USP8: variants seen among roughly 807,000 people sequenced by gnomAD.
USP8 encodes ubiquitin specific peptidase 8.
In USP8, 27 loss-of-function variants were observed where a neutral mutation model predicts 130.0. The observed-to-expected ratio is 0.21, with a 90% CI of 0.15 to 0.29. The LOEUF is 0.29. Ranked by LOEUF, USP8 falls within the 10% of genes least tolerant of loss-of-function variation. USP8 has a pLI of 1.00. For missense variants in USP8, 1,029 were observed against 1,312.2 expected (o/e 0.78, Z 3.33); for synonymous variants, 392 against 444.1 (o/e 0.88, Z 1.48).
At chr15:50,441,969 C>CTT (rs1011150634) in intron 3 of USP8, among the ~76,000 whole-genome samples, 2,075 of 81,216 alleles carry the variant, frequency 0.026, 1 homozygote, top group Non-Finnish European at 0.032. Flanking sequence ...CTCCCTAAAT[C>CTT]TTTTTTTTTT....
intron 6 of USP8, chr15:50,463,479 A>G (rs1254252130): frequency 6.6e-6 from 1 of 152,216 alleles, no homozygotes; most frequent in African/African-American, 2.4e-5. Flanking sequence ...CTTAAACATA[A>G]TTATAGGTAA....
At chr15:50,479,055 A>AT (rs981771963) in intron 10 of USP8, among the ~76,000 whole-genome samples, 32 of 152,208 alleles carry the variant, frequency 2.1e-4, no homozygotes, top group African/African-American at 7.0e-4. Flanking sequence ...CTGTCTCAAA[A>AT]AAAAATAAAA....
At chr15:50,472,004 G>A (rs1051969931) in intron 8 of USP8, among the ~76,000 whole-genome samples, 1 of 150,684 alleles carries the variant, frequency 6.6e-6, no homozygotes, top group Non-Finnish European at 1.5e-5. Flanking sequence ...AGGTTCAAGC[G>A]ATTCTCCTGC....
chr15:50,498,492 T>C (rs1482112350), intron 18 of USP8, 104 bp from the exon 19 acceptor site: 1 of 1,385,644 alleles, frequency 7.2e-7, no homozygotes, highest in African/African-American at 1.5e-5. Context: ...TCTTTGTATT[T>C]GAAATGGATT....
chr15:50,493,225 A>G (rs1312384607), intron 15 of USP8: 6 of 506,248 alleles, frequency 1.2e-5, no homozygotes, highest in Non-Finnish European at 3.8e-6. Context: ...TGGCCTTATC[A>G]CCTCTTTAAA....
Position 50,465,094 on chromosome 15 carries a change from A to C in USP8, c.589A>C (p.Ile197Leu). ...ELYTMMTDKN[I>L]SLIIMDARRM... is the part of the protein sequence containing the mutation. ...ATACACAATGATGACGGATAAAAAC[A>C]TCAGCTTGATTATAATGGATGCTCG... Residue 197 changes from isoleucine to leucine, a missense_variant, in exon 7 of 20, where the codon ATC (isoleucine) becomes CTC (leucine). Ile to Leu is a conservative substitution (Grantham distance 5, BLOSUM62 2). Coordinates refer to ENST00000307179, the MANE Select transcript of USP8 (RefSeq NM_005154.5). 6.2e-7 allele frequency: 1 copy of C among 1,614,164 alleles called. No homozygotes were observed.
At chr15:50,449,326 T>C (rs1158730429) in intron 3 of USP8, 74 bp from the exon 4 acceptor site, 4 of 922,622 alleles carry the variant, frequency 4.3e-6, no homozygotes, top group Non-Finnish European at 6.3e-6. Flanking sequence ...CACCATGATT[T>C]TAATGATTTT....
At chr15:50,493,138 G>T in intron 15 of USP8, 1 of 617,134 alleles carries the variant, frequency 1.6e-6, no homozygotes, top group Admixed American at 2.1e-5. Flanking sequence ...GTAGAAGGTG[G>T]AAGCGAAAGA....
chr15:50,497,793 C>G (rs2052474943), intron 18 of USP8: 1 of 152,126 alleles, frequency 6.6e-6, no homozygotes, highest in African/African-American at 2.4e-5. Context: ...CCATGTAACT[C>G]AAGAACTTTG....
intron 17 of USP8, 65 bp downstream of exon 17, chr15:50,496,149 G>T: frequency 7.6e-7 from 1 of 1,321,022 alleles, no homozygotes; most frequent in Non-Finnish European, 1.1e-6. Flanking sequence ...TGGATATAGA[G>T]ATGTAAATTT....
chr15:50,471,738 T>C lies in USP8; in HGVS notation c.792T>C (p.Ser264=), dbSNP rs1595951753. 6.8e-6 allele frequency: 11 copies of C among 1,614,140 alleles called. No homozygotes were observed. The East Asian group carries it at 2.5e-4, about 36-fold the overall frequency. The change falls in exon 8 of 20, where the codon TCT becomes TCC. Residue 264 remains serine (S), a synonymous_variant. Coordinates refer to ENST00000307179, the MANE Select transcript of USP8 (RefSeq NM_005154.5). Reference sequence around the variant, plus strand: ...TGGTACTTCTTGACTGGTTTAGTTCTGCCAAAGATTTACAGATTGGAACAA... The same window carrying C: ...TGGTACTTCTTGACTGGTTTAGTTCCGCCAAAGATTTACAGATTGGAACAA... ...EYVVLLDWFS[S]AKDLQIGTTL...
intron 3 of USP8, among the ~76,000 whole-genome samples, chr15:50,444,834 T>C (rs2050372926): frequency 6.6e-6 from 1 of 152,184 alleles, no homozygotes; most frequent in African/African-American, 2.4e-5. Flanking sequence ...CATGGTTCAC[T>C]GCAGCCTCGA....
At chr15:50,434,787 T>C (rs1169597253) in intron 1 of USP8, among the ~76,000 whole-genome samples, 1 of 151,950 alleles carries the variant, frequency 6.6e-6, no homozygotes, top group East Asian at 1.9e-4. Flanking sequence ...GCCTGGCTAA[T>C]TTTTGTATTT....
At chr15:50,498,419 G>T (rs2052496424) in intron 18 of USP8, 177 bp from the exon 19 acceptor site, 1 of 783,090 alleles carries the variant, frequency 1.3e-6, no homozygotes, top group Non-Finnish European at 1.9e-6. Flanking sequence ...CAGTTTTCTT[G>T]TTTGTAAAAT....
intron 1 of USP8, among the ~76,000 whole-genome samples, chr15:50,435,308 C>T (rs555468903): frequency 2.0e-5 from 3 of 152,138 alleles, no homozygotes. Context: ...CTGTACTGAA[C>T]CATGTACAGA....
intron 7 of USP8, 126 bp downstream of exon 7, chr15:50,465,317 A>G (rs1566863358): frequency 3.9e-6 from 3 of 763,716 alleles, no homozygotes; most frequent in Non-Finnish European, 5.4e-6. Flanking sequence ...AACTTTTTAA[A>G]TCTTTGCCTC....
Position 50,500,686 on chromosome 15 carries a change from T to C in USP8, c.*1598T>C, listed in dbSNP as rs1466653128. On this transcript the variant is annotated 3_prime_UTR_variant, in exon 20 of 20. Coordinates refer to ENST00000307179, the MANE Select transcript of USP8 (RefSeq NM_005154.5). The stretch of plus-strand genomic sequence containing the variant: ...CTTTTGTATTGGTATGGAAAAGGGC[T>C]GGCAGCTATAGAACAGGAGATCCAT... 3.1e-5 allele frequency: 42 copies of C among 1,335,550 alleles called. No homozygotes were observed. Among genetic ancestry groups the C allele is most frequent in the Non-Finnish European group, 4.1e-5 (39 of 952,516 alleles). 82.7% of individuals were successfully genotyped at this position (1,335,550 alleles called of 1,614,324 possible).
At chr15:50,493,046 T>C in intron 15 of USP8, 133 bp downstream of exon 15, 1 of 953,486 alleles carries the variant, frequency 1.0e-6, no homozygotes, top group Non-Finnish European at 1.6e-6. Context: ...GAACAAAAAT[T>C]TATTTTCTCT....
Position 50,441,591 on chromosome 15 carries a change from CAA to C in USP8, c.249+100_249+101del, listed in dbSNP as rs2050262633. On this transcript the variant is annotated intron_variant, in intron 3 of 19. Coordinates refer to ENST00000307179, the MANE Select transcript of USP8 (RefSeq NM_005154.5). Reference sequence around the variant, plus strand: ...TTTTAAGTAATAATGAAATGTAGCTCAAATTATATGCAGCATGATCTCATGTA... The same window carrying C: ...TTTTAAGTAATAATGAAATGTAGCTCATTATATGCAGCATGATCTCATGTA... The C allele has an allele frequency of 6.0e-6, 6 of 997,776 alleles. No individual in the cohort carries two copies. In the East Asian group the frequency reaches 1.6e-4, roughly 26 times the overall value. 61.8% of individuals were successfully genotyped at this position (997,776 alleles called of 1,614,324 possible). A position where few individuals can be genotyped will look rare whatever the true frequency, so the allele number is the denominator to read the frequency against.
Sources: allele counts gnomAD v4.1 joint callset (sites outside exome capture counted in the v4.1 genomes callset), GRCh38; gene constraint gnomAD v4.1.1; transcripts MANE v1.5; gene names NCBI Gene and HGNC (gene_info 2026-07-23, HGNC 2026-07-21).